EFHB: variants seen among roughly 807,000 people sequenced by gnomAD.
EFHB encodes EF-hand domain-containing family member B.
In EFHB, 91 loss-of-function variants were observed where a neutral mutation model predicts 87.2. That is an observed-to-expected ratio of 1.04 (90% CI 0.88 to 1.24). The LOEUF (loss-of-function observed/expected upper bound fraction) is 1.24, where lower values mean the gene tolerates loss of function less well. Among genes scored for constraint, EFHB ranks in the 50% most tolerant of loss-of-function variants. The pLI is 0.00. For missense variants in EFHB, 1,084 were observed against 998.8 expected, an observed-to-expected ratio of 1.09 and a Z score of -1.15; for synonymous variants, 325 against 333.6, an observed-to-expected ratio of 0.97 and a Z score of 0.28.
intron 11 of EFHB, among the ~76,000 whole-genome samples, chr3:19,884,007 G>A (rs1199044773): frequency 5.3e-5 from 8 of 152,112 alleles, no homozygotes; most frequent in Admixed American, 5.2e-4. Flanking sequence ...CTAACACATG[G>A]GGAATGAATA....
chr3:19,912,617 T>C (rs1367215555), intron 5 of EFHB, among the ~76,000 whole-genome samples: 1 of 152,156 alleles, frequency 6.6e-6, no homozygotes, highest in Non-Finnish European at 1.5e-5. Flanking sequence ...CCCGAGTAGA[T>C]AGACTAAACA....
At chr3:19,909,773 G>C (rs2125141056) in intron 5 of EFHB, among the ~76,000 whole-genome samples, 1 of 152,204 alleles carries the variant, frequency 6.6e-6, no homozygotes, top group African/African-American at 2.4e-5. Flanking sequence ...GGGCACTGTG[G>C]GACTCAGGAG....
rs887391399 is a variant in EFHB, at chr3:19,909,135, T to C, written c.1289-3386A>G. 5.7e-4 allele frequency among the ~76,000 whole-genome samples: 84 copies of C among 147,472 alleles called. 3 individuals are homozygous for C. Among genetic ancestry groups the C allele is most frequent in the Admixed American group, 5.7e-3 (82 of 14,484 alleles). The stretch of plus-strand genomic sequence containing the variant: ...CAACTCATAGTACTTGATTTTAACT[T>C]CATAGCACTGAAAAAAAAAAGGCAC... On this transcript the variant is annotated intron_variant, in intron 5 of 12. Transcript: ENST00000295824.
Position 19,905,643 on chromosome 3 carries a change from T to C in EFHB, c.1395A>G (p.Leu465=), listed in dbSNP as rs755715054. The change falls in exon 6 of 13, where the codon CTA becomes CTG. Residue 465 remains leucine (L), a synonymous_variant. Coordinates refer to ENST00000295824, the MANE Select transcript of EFHB (RefSeq NM_144715.4). The part of the protein sequence containing the change: ...FNDGRAMAKS[L]YWLHELQMKR... The stretch of plus-strand genomic sequence containing the variant: ...ACATTTGTAGTTCATGGAGCCAATA[T>C]AGAGATTTTGCCATGGCTCGTCCAT... The C allele has an allele frequency of 1.1e-5, 17 of 1,613,684 alleles. No homozygotes were observed. The highest frequency in any genetic ancestry group is 1.3e-5 in the Non-Finnish European group (15 of 1,179,792).
chr3:19,919,930 G>A lies in EFHB; in HGVS notation c.899C>T (p.Pro300Leu), dbSNP rs1302842800. Residue 300 changes from proline to leucine, a missense_variant, in exon 3 of 13, where the codon CCA becomes CTA. Coordinates refer to ENST00000295824, the MANE Select transcript of EFHB (RefSeq NM_144715.4). ...AAATACTCTTTCTACTCCAGCAGGT[G>A]GATATCTGAAGTTGAAATACTTTTT... ...EAKKYFNFRYPPAGVERVFYG... is the reference protein window; with the variant it reads ...EAKKYFNFRYLPAGVERVFYG... 1 of 1,613,720 alleles carries A rather than the reference G, an allele frequency of 6.2e-7. No homozygotes were observed. Among genetic ancestry groups the A allele is most frequent in the Non-Finnish European group, 8.5e-7 (1 of 1,179,770 alleles).
At chr3:19,929,287 C>T (rs767250071) in intron 1 of EFHB, among the ~76,000 whole-genome samples, 25 of 151,854 alleles carry the variant, frequency 1.6e-4, no homozygotes, top group Middle Eastern at 6.8e-3. Flanking sequence ...AGTCCTCCCA[C>T]TTCAGCCTCA....
intron 6 of EFHB, among the ~76,000 whole-genome samples, chr3:19,904,583 C>T (rs886234745): frequency 4.6e-5 from 7 of 152,202 alleles, no homozygotes; most frequent in African/African-American, 1.7e-4. Context: ...ACACCAATGT[C>T]TATCTCCATC....
chr3:19,879,771 G>T lies in EFHB; in HGVS notation c.2362C>A (p.Leu788Met). 1.2e-6 allele frequency: 2 copies of T among 1,606,642 alleles called. 1 individual carries two copies. Among genetic ancestry groups the T allele is most frequent in the South Asian group, 2.2e-5 (2 of 89,244 alleles). ...ACATTTTCAAATTCTTCATCAGACAGTTTGACACCAATGTTACACAATATC... is the reference window on the plus strand; with the variant it reads ...ACATTTTCAAATTCTTCATCAGACATTTTGACACCAATGTTACACAATATC... ...AEILCNIGVKLSDEEFENVWN... is the reference protein window; with the variant it reads ...AEILCNIGVKMSDEEFENVWN... Residue 788 changes from leucine to methionine, a missense_variant, in exon 13 of 13, where the codon CTG becomes ATG. Transcript: ENST00000295824.
At chr3:19,911,422 C>T (rs920540404) in intron 5 of EFHB, among the ~76,000 whole-genome samples, 30 of 151,522 alleles carry the variant, frequency 2.0e-4, no homozygotes, top group Non-Finnish European at 4.3e-4. Context: ...ATTAGCCAGG[C>T]GTGATGGTGC....
At chr3:19,892,850 C>T (rs1306548516) in intron 9 of EFHB, among the ~76,000 whole-genome samples, 3 of 77,868 alleles carry the variant, frequency 3.9e-5, no homozygotes, top group Non-Finnish European at 7.8e-5. Context: ...GTGAGAATCT[C>T]ATCTCTAAAA....
chr3:19,940,879 G>T, intron 1 of EFHB: 1 of 356,842 alleles, frequency 2.8e-6, no homozygotes, highest in Non-Finnish European at 5.6e-6. Context: ...ACATCAGGCT[G>T]CCTGTCAGAG....
chr3:19,920,690 A>G, intron 1 of EFHB, 123 bp from the exon 2 acceptor site: 2 of 666,096 alleles, frequency 3.0e-6, no homozygotes, highest in South Asian at 2.2e-5. Flanking sequence ...ACTAACATAA[A>G]AAAGGAAGAA....
chr3:19,892,682 G>T (rs933259479), intron 9 of EFHB, among the ~76,000 whole-genome samples: 1 of 152,052 alleles, frequency 6.6e-6, no homozygotes, highest in Non-Finnish European at 1.5e-5. Context: ...ACTTGGTTGA[G>T]TATACTTCTC....
In EFHB at chr3:19,879,758, T is replaced by C. The variant is rs373677978; in HGVS notation, c.2375A>G (p.Glu792Gly). 42 of 1,609,440 alleles carry C rather than the reference T, an allele frequency of 2.6e-5. No homozygotes were observed. The highest frequency in any genetic ancestry group is 3.4e-5 in the Non-Finnish European group (40 of 1,178,844). Residue 792 changes from glutamate to glycine, a missense_variant, in exon 13 of 13, where the codon GAA (glutamate) becomes GGA (glycine). By Grantham distance (98) the Glu-to-Gly change is moderately conservative (BLOSUM62 -2). Transcript: ENST00000295824. ...CNIGVKLSDE[E>G]FENVWNLASK... Reference sequence around the variant, plus strand: ...TGCAAGATTCCATACATTTTCAAATTCTTCATCAGACAGTTTGACACCAAT... The same window carrying C: ...TGCAAGATTCCATACATTTTCAAATCCTTCATCAGACAGTTTGACACCAAT...
chr3:19,933,305 T>C lies in EFHB; in HGVS notation c.714A>G (p.Ser238=), dbSNP rs2125167315. Residue 238 remains serine (S), a synonymous_variant, in exon 1 of 13, where the codon TCA becomes TCG. Coordinates refer to ENST00000295824, the MANE Select transcript of EFHB (RefSeq NM_144715.4). ...TGATGCGATCTGGAGGTTCCACTCC[T>C]GATTCAATGTTTCCAGCCTCCTTTC... The part of the protein sequence containing the change: ...EQRKEAGNIE[S]GVEPPDRIRP... 2 of 1,614,014 alleles carry C rather than the reference T, an allele frequency of 1.2e-6. No individual in the cohort carries two copies. The highest frequency in any genetic ancestry group is 2.2e-5 in the East Asian group (1 of 44,882).
chr3:19,879,789 A>G lies in EFHB; in HGVS notation c.2344T>C (p.Cys782Arg), dbSNP rs754526426. The G allele has an allele frequency of 6.9e-6, 11 of 1,596,396 alleles. No individual in the cohort carries two copies. The highest frequency in any genetic ancestry group is 8.5e-6 in the Non-Finnish European group (10 of 1,174,324). ...TCAGACAGTTTGACACCAATGTTAC[A>G]CAATATCTCTGCAATCTAGAAAAAG... ...RSKEEIAEIL[C>R]NIGVKLSDEE... Residue 782 changes from cysteine (C) to arginine (R), a missense_variant, in exon 13 of 13, where the codon TGT (cysteine) becomes CGT (arginine). Cys to Arg is a radical substitution (Grantham distance 180). Transcript: ENST00000295824.
chr3:19,887,021 A>G (rs537219563), intron 10 of EFHB, among the ~76,000 whole-genome samples: 6 of 152,352 alleles, frequency 3.9e-5, no homozygotes, highest in Admixed American at 1.3e-4. Context: ...AAATCATAAT[A>G]TATCAGCATG....
chr3:19,895,821 T>A (rs1335204151), intron 9 of EFHB, among the ~76,000 whole-genome samples: 3 of 152,198 alleles, frequency 2.0e-5, no homozygotes. Context: ...AAAAGCCTCA[T>A]GGGCATACTA....
chr3:19,903,553 T>G (rs998876479), intron 6 of EFHB, among the ~76,000 whole-genome samples: 34 of 152,134 alleles, frequency 2.2e-4, no homozygotes, highest in African/African-American at 8.2e-4. Context: ...TACACATAGT[T>G]TAACCATTTT....
Sources: allele counts gnomAD v4.1 joint callset (sites outside exome capture counted in the v4.1 genomes callset), GRCh38; gene constraint gnomAD v4.1.1; transcripts MANE v1.5; gene names NCBI Gene and HGNC (gene_info 2026-07-23, HGNC 2026-07-21).